The following PARD3B variants were observed in gnomAD, a reference collection of about 807,000 sequenced individuals.
PARD3B encodes partitioning defective 3 homolog B.
PARD3B carries 103 observed loss-of-function variants against 130.2 expected under a neutral mutation model. The ratio of observed to expected loss-of-function variants is 0.79; its 90% CI spans 0.67 to 0.93. The LOEUF (loss-of-function observed/expected upper bound fraction) is 0.93, where lower values mean the gene tolerates loss of function less well. Among genes scored for constraint, PARD3B ranks in the 40% least tolerant of loss-of-function variants. PARD3B has a pLI of 0.00. For missense variants in PARD3B, 1,609 were observed against 1,499.2 expected, an observed-to-expected ratio of 1.07 and a Z score of -1.21; for synonymous variants, 583 against 553.2, an observed-to-expected ratio of 1.05 and a Z score of -0.76.
chr2:205,113,439 CCTCT>C, intron 5 of PARD3B, 48 bp from the exon 6 acceptor site: 1 of 1,170,560 alleles, frequency 8.5e-7, no homozygotes, highest in East Asian at 2.4e-5. Context: ...AGATGTGCTC[CCTCT>C]GTTTTTTAGC....
At position 204,789,276 on chromosome 2, in the gene PARD3B, C is replaced by A. The variant is rs137986010; in HGVS notation, c.222+102994C>A. 1.7e-3 allele frequency among the ~76,000 whole-genome samples: 253 copies of A among 152,198 alleles called. 1 individual carries two copies. The highest frequency in any genetic ancestry group is 3.1e-3 in the Non-Finnish European group (213 of 68,004). On this transcript the variant is annotated intron_variant, in intron 2 of 22. Transcript: ENST00000406610. ...ATGGGGTCTCATTTGGTCTCGAAAT[C>A]CTGGTTTCAGGTGATTCTCTCTCCT...
intron 1 of PARD3B, among the ~76,000 whole-genome samples, chr2:204,648,567 TAAA>T (rs2035352575): frequency 7.6e-6 from 1 of 131,358 alleles, no homozygotes; most frequent in South Asian, 2.1e-4. Flanking sequence ...TATATAAATA[TAAA>T]TATATATTAT....
At chr2:204,992,393 C>T (rs12052710) in intron 3 of PARD3B, among the ~76,000 whole-genome samples, 90,960 of 92,724 alleles carry the variant, frequency 0.98, 44,694 homozygotes, top group Middle Eastern at 1. Flanking sequence ...GTTGTAGGTA[C>T]GTGGCGTTAT....
chr2:205,381,443 C>T (rs1030725114), intron 18 of PARD3B, among the ~76,000 whole-genome samples: 2 of 151,296 alleles, frequency 1.3e-5, no homozygotes, highest in African/African-American at 4.9e-5. Context: ...CCTCAAAAGG[C>T]TGTGTTCAAA....
intron 2 of PARD3B, among the ~76,000 whole-genome samples, chr2:204,835,051 G>A (rs1035007574): frequency 3.3e-5 from 5 of 152,180 alleles, no homozygotes; most frequent in Admixed American, 1.3e-4. Flanking sequence ...ATGGTACCCT[G>A]CAGGATTCTT....
intron 2 of PARD3B, among the ~76,000 whole-genome samples, chr2:204,933,648 T>TAGA (rs904732823): frequency 2.0e-5 from 3 of 152,206 alleles, no homozygotes; most frequent in Non-Finnish European, 4.4e-5. Context: ...TGTGCTTTAT[T>TAGA]GCAAGCTATC....
chr2:204,699,604 G>T lies in PARD3B; in HGVS notation c.222+13322G>T, dbSNP rs904370730. Among the ~76,000 whole-genome samples the T allele has an allele frequency of 6.6e-5, 10 of 152,066 alleles. 1 individual carries two copies. Among genetic ancestry groups the T allele is most frequent in the African/African-American group, 2.4e-4 (10 of 41,406 alleles). ...GATGAGTTAGAAAAATAAGTAATTTGCAGATTTAGTGTGCTGATGATTTAA... is the reference window on the plus strand; with the variant it reads ...GATGAGTTAGAAAAATAAGTAATTTTCAGATTTAGTGTGCTGATGATTTAA... On this transcript the variant is annotated intron_variant, in intron 2 of 22. Transcript: ENST00000406610.
At chr2:205,443,983 T>C (rs2106171471) in intron 20 of PARD3B, among the ~76,000 whole-genome samples, 1 of 152,142 alleles carries the variant, frequency 6.6e-6, no homozygotes, top group East Asian at 1.9e-4. Flanking sequence ...TATAAAATAT[T>C]GTTCTTTCTT....
At chr2:204,572,137 A>C (rs2125069259) in intron 1 of PARD3B, among the ~76,000 whole-genome samples, 1 of 152,350 alleles carries the variant, frequency 6.6e-6, no homozygotes, top group African/African-American at 2.4e-5. Flanking sequence ...GTGGTCAGTT[A>C]CATAGAGAAC....
At chr2:205,173,285 G>T (rs900967438) in intron 12 of PARD3B, among the ~76,000 whole-genome samples, 59 of 152,316 alleles carry the variant, frequency 3.9e-4, no homozygotes, top group African/African-American at 1.4e-3. Flanking sequence ...GCTTTATCAA[G>T]TTAATCAAGA....
chr2:205,102,880 C>T lies in PARD3B; in HGVS notation c.505-1546C>T, dbSNP rs554064445. Among the ~76,000 whole-genome samples the T allele has an allele frequency of 5.9e-5, 9 of 151,884 alleles. No individual in the cohort carries two copies. The South Asian group carries it at 8.3e-4, about 14-fold the overall frequency. ...GAGATTGAGACCATCCTGGCTAACACGGTGAAGCCCCATCTCTACTAAAAA... is the reference window on the plus strand; with the variant it reads ...GAGATTGAGACCATCCTGGCTAACATGGTGAAGCCCCATCTCTACTAAAAA... On this transcript the variant is annotated intron_variant, in intron 4 of 22. Coordinates refer to ENST00000406610, the MANE Select transcript of PARD3B (RefSeq NM_001302769.2).
intron 16 of PARD3B, among the ~76,000 whole-genome samples, chr2:205,270,152 A>T (rs986911789): frequency 1.1e-4 from 16 of 152,324 alleles, no homozygotes; most frequent in Admixed American, 2.6e-4. Flanking sequence ...TAAAAATTTT[A>T]AAAAAATTTT....
chr2:205,124,610 T>G, intron 9 of PARD3B, 144 bp downstream of exon 9: 1 of 600,768 alleles, frequency 1.7e-6, no homozygotes, highest in Non-Finnish European at 2.2e-6. Context: ...ATAGACAAGA[T>G]AAGAACTTTA....
At chr2:205,369,952 G>A (rs905721432) in intron 18 of PARD3B, among the ~76,000 whole-genome samples, 1 of 152,164 alleles carries the variant, frequency 6.6e-6, no homozygotes, top group Non-Finnish European at 1.5e-5. Flanking sequence ...TCAGACCATG[G>A]ACCTAACTTC....
chr2:204,691,889 A>T (rs1333216566), intron 2 of PARD3B, among the ~76,000 whole-genome samples: 1 of 152,164 alleles, frequency 6.6e-6, no homozygotes, highest in Non-Finnish European at 1.5e-5. Flanking sequence ...TTGGATTAAT[A>T]TATTGTTATT....
intron 21 of PARD3B, among the ~76,000 whole-genome samples, chr2:205,522,757 AGCTTTTC>A (rs1257231942): frequency 1.3e-5 from 2 of 152,168 alleles, no homozygotes; most frequent in African/African-American, 4.8e-5. Flanking sequence ...TTTTACTAAC[AGCTTTTC>A]AAGAGGAGAA....
intron 3 of PARD3B, among the ~76,000 whole-genome samples, chr2:204,980,969 A>G (rs1559322858): frequency 6.6e-6 from 1 of 152,224 alleles, no homozygotes; most frequent in Admixed American, 6.5e-5. Flanking sequence ...CCATAGTTAC[A>G]TAAGATGTTA....
intron 22 of PARD3B, among the ~76,000 whole-genome samples, chr2:205,573,444 G>A (rs902801630): frequency 1.3e-5 from 2 of 152,126 alleles, no homozygotes; most frequent in African/African-American, 4.8e-5. Flanking sequence ...ACAATTCTGG[G>A]CTCCAGAGCA....
At chr2:205,037,570 A>G (rs1332268754) in intron 3 of PARD3B, among the ~76,000 whole-genome samples, 2 of 148,270 alleles carry the variant, frequency 1.3e-5, no homozygotes, top group African/African-American at 2.4e-5. Flanking sequence ...AGTGGACTAT[A>G]TATAAGATAT....
Sources: gnomAD v4.1 joint callset for allele counts (sites outside exome capture counted in the v4.1 genomes callset) on GRCh38, gnomAD v4.1.1 for gene constraint, MANE v1.5 for transcripts, NCBI Gene and HGNC (gene_info 2026-07-23, HGNC 2026-07-21) for gene names.